Variants in SLC3A1 observed in about 807,000 individuals in gnomAD.
SLC3A1 encodes the protein solute carrier family 3 member 1, also known as amino acid transporter heavy chain SLC3A1.
A neutral mutation model predicts 60.3 loss-of-function variants in SLC3A1; 78 were observed. The observed-to-expected ratio is 1.29, with a 90% CI of 1.08 to 1.56. The LOEUF is 1.56. SLC3A1 is among the 40% of genes most tolerant of loss of function. SLC3A1 has a pLI of 0.00. For missense variants in SLC3A1, 1,172 were observed against 858.9 expected, an observed-to-expected ratio of 1.36 and a Z score of -4.56; for synonymous variants, 392 against 307.9, an observed-to-expected ratio of 1.27 and a Z score of -2.86.
At chr2:44,288,695 G>A (rs963810499) in intron 4 of SLC3A1, among the ~76,000 whole-genome samples, 3 of 152,148 alleles carry the variant, frequency 2.0e-5, no homozygotes, top group South Asian at 2.1e-4. Context: ...CACCCTAGTG[G>A]GTATGAAGTG....
At chr2:44,304,527 G>A (rs988940521) in intron 7 of SLC3A1, among the ~76,000 whole-genome samples, 189 bp downstream of exon 7, 3 of 152,184 alleles carry the variant, frequency 2.0e-5, no homozygotes, top group African/African-American at 7.2e-5. Flanking sequence ...ACTGCCCACT[G>A]AATGGAATGA....
chr2:44,286,204 G>T (rs771378114), intron 4 of SLC3A1, 47 bp downstream of exon 4: 4 of 1,590,396 alleles, frequency 2.5e-6, no homozygotes, highest in South Asian at 2.2e-5. Flanking sequence ...GGAGGTTTAG[G>T]TATTTATTTA....
chr2:44,285,724 C>T (rs1306538573), intron 3 of SLC3A1: 1 of 545,252 alleles, frequency 1.8e-6, no homozygotes, highest in African/African-American at 1.9e-5. Context: ...ACAGAAGATT[C>T]AAGAAAATAC....
At chr2:44,299,297 CCA>C (rs1288617865) in intron 4 of SLC3A1, among the ~76,000 whole-genome samples, 1 of 152,204 alleles carries the variant, frequency 6.6e-6, no homozygotes, top group Non-Finnish European at 1.5e-5. Flanking sequence ...CCTCGGCCTC[CCA>C]GAGTGCTGGG....
At chr2:44,280,601 T>G in intron 1 of SLC3A1, 115 bp from the exon 2 acceptor site, 1 of 739,716 alleles carries the variant, frequency 1.4e-6, no homozygotes, top group Non-Finnish European at 2.3e-6. Flanking sequence ...TCAACAAAAT[T>G]CTAAGTATTT....
intron 4 of SLC3A1, among the ~76,000 whole-genome samples, chr2:44,297,808 G>T (rs561388549): frequency 6.6e-6 from 1 of 152,028 alleles, no homozygotes; most frequent in Non-Finnish European, 1.5e-5. Context: ...CATGTTGCCC[G>T]GCTGGTCTAG....
At chr2:44,282,388 C>T (rs971967039) in intron 3 of SLC3A1, among the ~76,000 whole-genome samples, 14 of 152,134 alleles carry the variant, frequency 9.2e-5, no homozygotes, top group Admixed American at 3.3e-4. Context: ...TTTCAAACAT[C>T]GTATCTGCCT....
At chr2:44,308,878 G>A (rs1400987381) in intron 7 of SLC3A1, among the ~76,000 whole-genome samples, 1 of 151,962 alleles carries the variant, frequency 6.6e-6, no homozygotes, top group African/African-American at 2.4e-5. Context: ...GACTACAGGT[G>A]CCTGCCACCA....
chr2:44,297,291 T>C (rs1671876217), intron 4 of SLC3A1, among the ~76,000 whole-genome samples: 1 of 152,220 alleles, frequency 6.6e-6, no homozygotes, highest in Non-Finnish European at 1.5e-5. Context: ...CAGGCCTTGC[T>C]GGGAGAGGCT....
At position 44,286,044 on chromosome 2, in the gene SLC3A1, G is replaced by A. The variant is rs753327067; in HGVS notation, c.778G>A (p.Gly260Arg). ...IPPNNWLSVY[G>R]NSSWHFDEVR... ...CTTTGTTTGCCAGTTAAGTGTGTAT[G>A]GAAACTCCAGTTGGCACTTTGACGA... is the stretch of plus-strand genomic sequence containing the variant. The change falls in exon 4 of 10, where the codon GGA becomes AGA. Residue 260 changes from glycine to arginine, a missense_variant. Gly to Arg is a moderately radical substitution (Grantham distance 125, BLOSUM62 -2). Coordinates refer to ENST00000260649, the MANE Select transcript of SLC3A1 (RefSeq NM_000341.4). The A allele has an allele frequency of 1.2e-6, 2 of 1,614,114 alleles. No homozygotes were observed. The highest frequency in any genetic ancestry group is 3.3e-5 in the Admixed American group (2 of 60,020).
intron 1 of SLC3A1, among the ~76,000 whole-genome samples, chr2:44,277,289 T>C (rs934684434): frequency 3.3e-5 from 5 of 151,946 alleles, no homozygotes; most frequent in African/African-American, 9.7e-5. Flanking sequence ...GTATTTTTAA[T>C]AGAGACGAGG....
chr2:44,291,793 C>A (rs2104350521), intron 4 of SLC3A1, among the ~76,000 whole-genome samples: 1 of 152,270 alleles, frequency 6.6e-6, no homozygotes, highest in South Asian at 2.1e-4. Flanking sequence ...TTCCTCCCCG[C>A]TCCTATCAGA....
At position 44,301,113 on chromosome 2, in the gene SLC3A1, G is replaced by C; in HGVS notation, c.1122G>C (p.Glu374Asp). 6.2e-7 allele frequency: 1 copy of C among 1,611,186 alleles called. No individual in the cohort carries two copies. The highest frequency in any genetic ancestry group is 8.5e-7 in the Non-Finnish European group (1 of 1,179,460). The change falls in exon 6 of 10, where the codon GAG (glutamate) becomes GAC (aspartate). Residue 374 changes from glutamate to aspartate, a missense_variant. Glu to Asp is a conservative substitution (Grantham distance 45, BLOSUM62 2). Coordinates refer to ENST00000260649, the MANE Select transcript of SLC3A1 (RefSeq NM_000341.4). The stretch of plus-strand genomic sequence containing the variant: ...AGACCATGGACCAATACAGCACGGA[G>C]CCCGGCAGATACAGGTTGACCACGG... ...FRQTMDQYST[E>D]PGRYRFMGTE...
downstream of SLC3A1, among the ~76,000 whole-genome samples, chr2:44,322,106 C>T (rs537581106): frequency 7.8e-4 from 118 of 152,082 alleles, no homozygotes; most frequent in Middle Eastern, 3.4e-3. Flanking sequence ...AGGAAGAGGC[C>T]GTATGGAAAA....
At chr2:44,315,290 TAATAA>T (rs1271537349) in intron 9 of SLC3A1, 2 of 152,036 alleles carry the variant, frequency 1.3e-5, no homozygotes, top group Non-Finnish European at 2.9e-5. Context: ...AATGCCATTT[TAATAA>T]AATACATCCA....
Position 44,303,092 on chromosome 2 carries a change from T to G in SLC3A1, c.1137-1051T>G, listed in dbSNP as rs1211350090. ...GGCGGGTGCCTGTAATCCTAGCTAC[T>G]CGGGAGGCTGAGGCAGGAGAATCAC... On this transcript the variant is annotated intron_variant, in intron 6 of 9. Coordinates refer to ENST00000260649, the MANE Select transcript of SLC3A1 (RefSeq NM_000341.4). Among the ~76,000 whole-genome samples, 4 of 151,430 alleles carry G rather than the reference T, an allele frequency of 2.6e-5. No individual in the cohort carries two copies. In the South Asian group the frequency reaches 6.3e-4, roughly 24 times the overall value.
intron 1 of SLC3A1, among the ~76,000 whole-genome samples, chr2:44,278,627 A>G (rs1572788556): frequency 1.3e-5 from 2 of 152,256 alleles, no homozygotes; most frequent in Middle Eastern, 3.4e-3. Context: ...TTACACAGAA[A>G]GTTACTGGAG....
chr2:44,283,007 A>T (rs9309115), intron 3 of SLC3A1, among the ~76,000 whole-genome samples: 99,814 of 151,918 alleles, frequency 0.66, 33,198 homozygotes, highest in Non-Finnish European at 0.69. Context: ...CTGAATTCAG[A>T]TGTAACTGGG....
chr2:44,276,001 G>T, intron 1 of SLC3A1, 36 bp downstream of exon 1: 1 of 1,590,656 alleles, frequency 6.3e-7, no homozygotes, highest in African/African-American at 1.3e-5. Flanking sequence ...TGGGTGCCAG[G>T]ATGAGATTGG....
Sources: gnomAD v4.1 joint callset for allele counts (sites outside exome capture counted in the v4.1 genomes callset) on GRCh38, gnomAD v4.1.1 for gene constraint, MANE v1.5 for transcripts, NCBI Gene and HGNC (gene_info 2026-07-23, HGNC 2026-07-21) for gene names.